The following TAT variants were observed in gnomAD, a reference collection of about 807,000 sequenced individuals.
TAT encodes tyrosine aminotransferase.
TAT carries 35 observed loss-of-function variants against 53.6 expected under a neutral mutation model. That is an observed-to-expected ratio of 0.65 (90% confidence interval 0.50 to 0.87). The LOEUF (loss-of-function observed/expected upper bound fraction) is 0.87. Ranked by LOEUF, TAT falls within the 40% of genes least tolerant of loss-of-function variation. The probability of loss-of-function intolerance (pLI) is 0.00; values close to 1 mark genes in which losing one functional copy is unlikely to be tolerated. For missense variants in TAT, 525 were observed against 571.8 expected (o/e 0.92, Z 0.83); for synonymous variants, 197 against 206.5 (o/e 0.95, Z 0.39).
chr16:71,576,495 G>C, intron 1 of TAT, 68 bp from the exon 2 acceptor site: 1 of 1,348,372 alleles, frequency 7.4e-7, no homozygotes, highest in Non-Finnish European at 1.1e-6. Context: ...AGCTACATTT[G>C]GACCTAAACA....
intron 3 of TAT, chr16:71,575,160 C>T (rs1298799076): frequency 6.6e-6 from 1 of 152,018 alleles, no homozygotes; most frequent in Non-Finnish European, 1.5e-5. Flanking sequence ...ACGAAGTCCC[C>T]GATATAACTC....
rs191942931 is a variant in TAT at position 71,567,292 on chromosome 16, C to T, written c.*852G>A. On this transcript the variant is annotated 3_prime_UTR_variant, in exon 12 of 12. Coordinates refer to ENST00000355962, the MANE Select transcript of TAT (RefSeq NM_000353.3). ...GGCATGGTGGCTCACGCCTGTAGTC[C>T]CAACTGCTTGGGAGGTTGAGGCAAG... 625 of 152,430 alleles carry T rather than the reference C, an allele frequency of 4.1e-3. 1 individual carries two copies. The highest frequency in any genetic ancestry group is 7.0e-3 in the Non-Finnish European group (480 of 68,154). The allele number at this position is 152,430 out of a possible 1,614,324, so 9.4% of individuals were successfully genotyped here.
chr16:71,576,252 G>C lies in TAT; in HGVS notation c.164C>G (p.Pro55Arg). The C allele has an allele frequency of 1.2e-6, 2 of 1,614,156 alleles. No homozygotes were observed. The highest frequency in any genetic ancestry group is 2.2e-5 in the East Asian group (1 of 44,886). The change falls in exon 2 of 12, where the codon CCC becomes CGC. Residue 55 changes from proline (P) to arginine (R), a missense_variant. Physicochemically the swap from Pro to Arg is moderately radical, Grantham distance 103. Coordinates refer to ENST00000355962, the MANE Select transcript of TAT (RefSeq NM_000353.3). ...CATGTTGTCCACAATGGCTCGGATG[G>C]GGTTGAAAGTTTTCTTGGCCATGTC... is the stretch of plus-strand genomic sequence containing the variant. ...PSDMAKKTFN[P>R]IRAIVDNMKV...
intron 9 of TAT, 116 bp downstream of exon 9, chr16:71,570,153 G>C: frequency 1.3e-6 from 2 of 1,523,934 alleles, no homozygotes; most frequent in Non-Finnish European, 1.8e-6. Context: ...TTACACCGAT[G>C]CCGTCTCCTA....
rs1283939487 is a variant in TAT at position 71,568,819 on chromosome 16, C to T, written c.1126-10G>A. The T allele has an allele frequency of 3.7e-6, 6 of 1,610,998 alleles. No homozygotes were observed. The highest frequency in any genetic ancestry group is 5.1e-6 in the Non-Finnish European group (6 of 1,177,752). On this transcript the variant is annotated splice_polypyrimidine_tract_variant and intron_variant, in intron 10 of 11. Coordinates refer to ENST00000355962, the MANE Select transcript of TAT (RefSeq NM_000353.3). ...CCATCTCAATTCCAACCTATACCAA[C>T]AGGAGGGAGAGGCCAACTTATCAGA...
In TAT at chr16:71,570,702, G is replaced by A. The variant is rs758491525; in HGVS notation, c.889C>T (p.Arg297Ter). 7 of 1,614,022 alleles carry A rather than the reference G, an allele frequency of 4.3e-6. No individual in the cohort carries two copies. The highest frequency in any genetic ancestry group is 5.1e-6 in the Non-Finnish European group (6 of 1,180,010). Residue 297 changes from arginine to a stop codon, truncating the protein, a stop_gained, in exon 8 of 12, where the codon CGA becomes TGA. Coordinates refer to ENST00000355962, the MANE Select transcript of TAT (RefSeq NM_000353.3). LOFTEE classifies it high-confidence loss of function. ...ACCTCATTGCCAAAAATGTCTCTTC[G>A]GTCATGAATGAGGATCCAGCCCAAC... ...WRLGWILIHD[R>*]RDIFGNEIRD...
Position 71,570,337 on chromosome 16 carries a change from C to T in TAT, c.973G>A (p.Gly325Arg). 6.2e-7 allele frequency: 1 copy of T among 1,614,154 alleles called. No individual in the cohort carries two copies. Residue 325 changes from glycine to arginine, a missense_variant, in exon 9 of 12, where the codon GGA (glycine) becomes AGA (arginine). Coordinates refer to ENST00000355962, the MANE Select transcript of TAT (RefSeq NM_000353.3). ...RILGPCTIVQ[G>R]ALKSILCRTP... ...CGACATAGGATGCTTTTCAGAGCTC[C>T]CTGGACAATGGTACAGGGTCCCAAA... is the stretch of plus-strand genomic sequence containing the variant.
chr16:71,570,499 A>G (rs2145230929), intron 8 of TAT, 102 bp from the exon 9 acceptor site: 1 of 1,601,244 alleles, frequency 6.2e-7, no homozygotes, highest in South Asian at 1.1e-5. Flanking sequence ...AATCTTGGAA[A>G]GTGATGGTGT....
intron 6 of TAT, 145 bp from the exon 7 acceptor site, chr16:71,571,803 G>T: frequency 1.2e-6 from 1 of 839,642 alleles, no homozygotes; most frequent in Non-Finnish European, 2.0e-6. Flanking sequence ...AGCAAAGTGT[G>T]ATTTGCATTT....
Position 71,572,240 on chromosome 16 carries a change from A to T in TAT, c.652T>A (p.Ser218Thr). 1.9e-6 allele frequency: 3 copies of T among 1,614,210 alleles called. No homozygotes were observed. Among genetic ancestry groups the T allele is most frequent in the Non-Finnish European group, 1.7e-6 (2 of 1,180,026 alleles). ...CTGAACACTGACCCACAGGGGTTTG[A>T]TGGATTATTGACAATGAGACAAGCT... Reference protein sequence around the residue: ...KTACLIVNNPSNPCGSVFSKR... With the variant: ...KTACLIVNNPTNPCGSVFSKR... Residue 218 changes from serine (S) to threonine (T), a missense_variant, in exon 6 of 12, where the codon TCA (serine) becomes ACA (threonine). By Grantham distance (58) the Ser-to-Thr change is moderately conservative. Transcript: ENST00000355962.
rs2044210412 is a variant in TAT at position 71,572,585 on chromosome 16, A to C, written c.512T>G (p.Leu171Arg). Residue 171 changes from leucine (L) to arginine (R), a missense_variant, in exon 5 of 12, where the codon CTC becomes CGC. Transcript: ENST00000355962. ...CATAGACTCAGCCAGAGTCTTGTAG[A>C]GAGAGAAACCAGGTCTTGGAACCAG... ...NILVPRPGFSLYKTLAESMGI... is the reference protein window; with the variant it reads ...NILVPRPGFSRYKTLAESMGI... 6.2e-7 allele frequency: 1 copy of C among 1,614,220 alleles called. No individual in the cohort carries two copies. The highest frequency in any genetic ancestry group is 8.5e-7 in the Non-Finnish European group (1 of 1,180,044).
In TAT at chr16:71,567,429, CAAAGA is replaced by C. The variant is rs1318474145; in HGVS notation, c.*710_*714del. The C allele has an allele frequency of 1.3e-5, 2 of 150,716 alleles. No homozygotes were observed. The highest frequency in any genetic ancestry group is 4.9e-5 in the African/African-American group (2 of 40,902). The allele number at this position is 150,716 out of a possible 1,614,324, so 9.3% of individuals were successfully genotyped here. ...ATCTCAAAATAAAGAAAGAAAGAAA[CAAAGA>C]AAAGAAAAGCTTATATTGAACTTCT... On this transcript the variant is annotated 3_prime_UTR_variant, in exon 12 of 12. Coordinates refer to ENST00000355962, the MANE Select transcript of TAT (RefSeq NM_000353.3).
At chr16:71,570,050 C>T in intron 9 of TAT, 113 bp from the exon 10 acceptor site, 1 of 1,310,494 alleles carries the variant, frequency 7.6e-7, no homozygotes, top group Non-Finnish European at 1.1e-6. Flanking sequence ...GATGTTCTGG[C>T]ATAAGGAGTG....
chr16:71,576,707 T>A (rs530526375), intron 1 of TAT, among the ~76,000 whole-genome samples: 13 of 152,316 alleles, frequency 8.5e-5, no homozygotes, highest in African/African-American at 3.1e-4. Context: ...ATGCTCTATG[T>A]GAAACCAAGA....
At position 71,568,722 on chromosome 16, in the gene TAT, GGCAGTGGACAGACTGCTCA is replaced by G; in HGVS notation, c.1194_1212del (p.Glu399SerfsTer21). 1 of 1,613,442 alleles carries G rather than the reference GGCAGTGGACAGACTGCTCA, an allele frequency of 6.2e-7. No individual in the cohort carries two copies. The highest frequency in any genetic ancestry group is 8.5e-7 in the Non-Finnish European group (1 of 1,179,620). ...ACACAGGCACCCACCGTTGCTGGGA[GGCAGTGGACAGACTGCTCA>G]GCAACTAACCGCTCCGTGAACTCCA... On this transcript the variant is annotated frameshift_variant, in exon 11 of 12. Coordinates refer to ENST00000355962, the MANE Select transcript of TAT (RefSeq NM_000353.3). LOFTEE classifies it high-confidence loss of function.
At chr16:71,576,582 TA>T (rs2044236876) in intron 1 of TAT, among the ~76,000 whole-genome samples, 155 bp from the exon 2 acceptor site, 1 of 152,224 alleles carries the variant, frequency 6.6e-6, no homozygotes, top group Admixed American at 6.5e-5. Context: ...AAAGTAGCTT[TA>T]CTATGAATGG....
intron 11 of TAT, 185 bp downstream of exon 11, chr16:71,568,523 ATGG>A: frequency 2.9e-6 from 2 of 693,470 alleles, no homozygotes; most frequent in Non-Finnish European, 2.5e-6. Context: ...TCTTCCCAGT[ATGG>A]ATGGGATTAT....
rs755039870 is a variant in TAT at position 71,570,283 on chromosome 16, G to T, written c.1027C>A (p.Leu343Met). Residue 343 changes from leucine to methionine, a missense_variant, in exon 9 of 12, where the codon CTG (leucine) becomes ATG (methionine). Coordinates refer to ENST00000355962, the MANE Select transcript of TAT (RefSeq NM_000353.3). ...RTPGEFYHNT[L>M]SFLKSNADLC... is the part of the protein sequence containing the mutation. ...GCTGCCCTTACCTTGAGGAAGCTCAGAGTGTTGTGGTAAAACTCTCCCGGG... is the reference window on the plus strand; with the variant it reads ...GCTGCCCTTACCTTGAGGAAGCTCATAGTGTTGTGGTAAAACTCTCCCGGG... The T allele has an allele frequency of 1.2e-6, 2 of 1,614,186 alleles. No individual in the cohort carries two copies.
At chr16:71,570,049 G>T in intron 9 of TAT, 112 bp from the exon 10 acceptor site, 1 of 1,308,418 alleles carries the variant, frequency 7.6e-7, no homozygotes, top group Non-Finnish European at 1.1e-6. Flanking sequence ...TGATGTTCTG[G>T]CATAAGGAGT....
Sources: gnomAD v4.1 joint callset for allele counts (sites outside exome capture counted in the v4.1 genomes callset) on GRCh38, gnomAD v4.1.1 for gene constraint, MANE v1.5 for transcripts, NCBI Gene and HGNC (gene_info 2026-07-23, HGNC 2026-07-21) for gene names.